SYNE1: variants seen among roughly 807,000 people sequenced by gnomAD.
SYNE1 encodes the protein spectrin repeat containing nuclear envelope protein 1, also known as nesprin-1.
A neutral mutation model predicts 1,111.0 loss-of-function variants in SYNE1; 616 were observed. The observed-to-expected ratio is 0.55, with a 90% CI of 0.52 to 0.59. The LOEUF is 0.59. Among genes scored for constraint, SYNE1 ranks in the 20% least tolerant of loss-of-function variants. The probability of loss-of-function intolerance (pLI) is 0.00; values close to 1 mark genes in which losing one functional copy is unlikely to be tolerated. For missense variants in SYNE1, 10,006 were observed against 10,417.0 expected, an observed-to-expected ratio of 0.96 and a Z score of 1.72; for synonymous variants, 3,855 against 3,825.8, an observed-to-expected ratio of 1.01 and a Z score of -0.28.
At chr6:152,448,841 AAAACAAACAAAC>A (rs80176844) in intron 28 of SYNE1, among the ~76,000 whole-genome samples, 3,909 of 151,700 alleles carry the variant, frequency 0.026, 187 homozygotes, top group African/African-American at 0.09. Flanking sequence ...CTTGTCTCAA[AAAACAAACAAAC>A]AAACAAACAA....
chr6:152,368,887 G>T, intron 61 of SYNE1, 85 bp downstream of exon 61: 1 of 1,580,370 alleles, frequency 6.3e-7, no homozygotes, highest in Non-Finnish European at 8.7e-7. Context: ...GGGTCAGGAT[G>T]CAATGCACAC....
At chr6:152,547,974 C>T (rs1409445242) in intron 3 of SYNE1, among the ~76,000 whole-genome samples, 8 of 152,076 alleles carry the variant, frequency 5.3e-5, no homozygotes, top group Non-Finnish European at 1.0e-4. Flanking sequence ...CAAATCATCA[C>T]ACTGTACAAC....
Position 152,391,445 on chromosome 6 carries a change from G to C in SYNE1, c.7836C>G (p.Thr2612=). Reference sequence around the variant, plus strand: ...CCTGGCAGCTCCGGAGTTTCTCTTTGGTCATTCTAAGTAGGTTCTGGTGGC... The same window carrying C: ...CCTGGCAGCTCCGGAGTTTCTCTTTCGTCATTCTAAGTAGGTTCTGGTGGC... ...LTSHQNLLRM[T]KEKLRSCQVA... Residue 2612 remains threonine (T), a synonymous_variant, in exon 52 of 146, where the codon ACC becomes ACG. Transcript: ENST00000367255. 6.2e-7 allele frequency: 1 copy of C among 1,613,876 alleles called. No homozygotes were observed. The highest frequency in any genetic ancestry group is 8.5e-7 in the Non-Finnish European group (1 of 1,179,968).
At chr6:152,283,360 A>T (rs2094141052) in intron 96 of SYNE1, among the ~76,000 whole-genome samples, 1 of 152,196 alleles carries the variant, frequency 6.6e-6, no homozygotes, top group African/African-American at 2.4e-5. Flanking sequence ...AACATAGCAA[A>T]CCATTATGCA....
Position 152,325,988 on chromosome 6 carries a change from A to T in SYNE1, c.15408T>A (p.His5136Gln). 1.2e-6 allele frequency: 2 copies of T among 1,614,192 alleles called. No individual in the cohort carries two copies. Among genetic ancestry groups the T allele is most frequent in the South Asian group, 1.1e-5 (1 of 91,084 alleles). The change falls in exon 80 of 146, where the codon CAT becomes CAA. Residue 5136 changes from histidine to glutamine, a missense_variant. This residue lies in a region of SYNE1 where 4,955 missense variants were observed against 5,017.2 expected (regional missense o/e 0.99). Transcript: ENST00000367255. ...EFSLLKTSSS[H>Q]EAEEKLSEHK... ...GTTCTGACAATTTTTCTTCCGCTTC[A>T]TGACTAGACGAAGTCTTCAACAAAG...
At chr6:152,207,715 T>C (rs1034114812) in intron 125 of SYNE1, among the ~76,000 whole-genome samples, 1 of 152,230 alleles carries the variant, frequency 6.6e-6, no homozygotes, top group Non-Finnish European at 1.5e-5. Flanking sequence ...TCATCCCTGC[T>C]GGGATTTAGT....
chr6:152,326,763 T>G, intron 78 of SYNE1, 130 bp from the exon 79 acceptor site: 1 of 833,652 alleles, frequency 1.2e-6, no homozygotes, highest in South Asian at 1.6e-5. Flanking sequence ...ATTGATAAGT[T>G]AGTGGAATAT....
chr6:152,455,768 G>A (rs1357970679), intron 23 of SYNE1, 118 bp downstream of exon 23: 1 of 1,441,284 alleles, frequency 6.9e-7, no homozygotes, highest in African/African-American at 1.4e-5. Context: ...ACAATGATTG[G>A]CTTCCAAACA....
At chr6:152,145,405 G>T (rs1335507373) in intron 137 of SYNE1, 7 of 1,344,466 alleles carry the variant, frequency 5.2e-6, no homozygotes, top group Non-Finnish European at 6.4e-6. Flanking sequence ...ACAAAGCTGG[G>T]AGAGAGACAG....
At chr6:152,493,908 C>A (rs1169655609) in intron 11 of SYNE1, among the ~76,000 whole-genome samples, 1 of 152,174 alleles carries the variant, frequency 6.6e-6, no homozygotes, top group Non-Finnish European at 1.5e-5. Flanking sequence ...ATCCTAAATC[C>A]TTTCCCCACT....
intron 55 of SYNE1, among the ~76,000 whole-genome samples, chr6:152,382,849 A>G (rs943127049): frequency 2.0e-5 from 3 of 152,220 alleles, no homozygotes; most frequent in Non-Finnish European, 2.9e-5. Flanking sequence ...GTCATTCAGA[A>G]TTTGAATAAG....
chr6:152,170,065 T>G (rs2064800023), intron 130 of SYNE1, among the ~76,000 whole-genome samples: 1 of 152,184 alleles, frequency 6.6e-6, no homozygotes, highest in African/African-American at 2.4e-5. Flanking sequence ...TCAAAACATT[T>G]TATTGTCATA....
intron 26 of SYNE1, 51 bp from the exon 27 acceptor site, chr6:152,450,884 T>G: frequency 6.2e-7 from 1 of 1,601,236 alleles, no homozygotes; most frequent in Non-Finnish European, 8.6e-7. Flanking sequence ...CACACAGTAC[T>G]TCTACATTTT....
intron 3 of SYNE1, among the ~76,000 whole-genome samples, chr6:152,547,339 C>T (rs773483656): frequency 6.6e-6 from 1 of 152,160 alleles, no homozygotes; most frequent in Non-Finnish European, 1.5e-5. Context: ...ACACAAAGAG[C>T]CTATTAGCGG....
intron 3 of SYNE1, among the ~76,000 whole-genome samples, chr6:152,579,956 A>G (rs1226267817): frequency 6.6e-6 from 1 of 152,192 alleles, no homozygotes; most frequent in African/African-American, 2.4e-5. Flanking sequence ...GCGATTGTGA[A>G]GAGTGCTGCA....
intron 137 of SYNE1, chr6:152,145,472 G>T: frequency 6.2e-7 from 1 of 1,613,276 alleles, no homozygotes; most frequent in Non-Finnish European, 8.5e-7. Context: ...GCTGGCTCCG[G>T]CTTGTTGTGC....
intron 55 of SYNE1, among the ~76,000 whole-genome samples, chr6:152,385,177 A>C (rs976951144): frequency 3.9e-5 from 6 of 152,156 alleles, no homozygotes; most frequent in African/African-American, 1.4e-4. Context: ...CTCCCCCAGA[A>C]AGGTAAATTT....
Position 152,252,682 on chromosome 6 carries a change from G to A in SYNE1, c.19470+2198C>T, listed in dbSNP as rs1376870533. Among the ~76,000 whole-genome samples, 4 of 152,224 alleles carry A rather than the reference G, an allele frequency of 2.6e-5. No individual in the cohort carries two copies. In the East Asian group the frequency reaches 7.7e-4, roughly 29 times the overall value. On this transcript the variant is annotated intron_variant, in intron 104 of 145. Coordinates refer to ENST00000367255, the MANE Select transcript of SYNE1 (RefSeq NM_182961.4). ...CAAAGTTAAAACAAAAAGGAAAATA[G>A]TTTGTGACTTGACCTTTAATTATGT...
At position 152,277,264 on chromosome 6, in the gene SYNE1, CTTTTTT is replaced by C. The variant is rs747947368; in HGVS notation, c.18573+819_18573+824del. ...TGCAATCACACTCCTTTTTCTTTTT[CTTTTTT>C]TTTTTTTTTTTTTTTTTTTTGTTAT... is the stretch of plus-strand genomic sequence containing the variant. On this transcript the variant is annotated intron_variant, in intron 98 of 145. Transcript: ENST00000367255. Among the ~76,000 whole-genome samples, 17 of 82,118 alleles carry C rather than the reference CTTTTTT, an allele frequency of 2.1e-4. No individual in the cohort carries two copies. In the East Asian group the frequency reaches 3.6e-3, roughly 17 times the overall value. 53.9% of individuals were successfully genotyped at this position (82,118 alleles called of 152,430 possible).
Sources: gnomAD v4.1 joint callset for allele counts (sites outside exome capture counted in the v4.1 genomes callset) on GRCh38, gnomAD v4.1.1 for gene constraint, gnomAD v4.1.1 regional missense constraint, MANE v1.5 for transcripts, NCBI Gene and HGNC (gene_info 2026-07-23, HGNC 2026-07-21) for gene names.